DHRSX: variants seen among roughly 807,000 people sequenced by gnomAD.
DHRSX encodes polyprenol dehydrogenase.
Under a neutral mutation model 34.0 loss-of-function variants are expected in DHRSX, and 31 were observed. The ratio of observed to expected loss-of-function variants is 0.91; its 90% confidence interval spans 0.69 to 1.23. DHRSX has a LOEUF of 1.23. Among genes scored for constraint, DHRSX ranks in the 50% most tolerant of loss-of-function variants. The probability of loss-of-function intolerance (pLI) is 0.00; values close to 1 mark genes in which losing one functional copy is unlikely to be tolerated. For missense variants in DHRSX, 414 were observed against 428.1 expected, an observed-to-expected ratio of 0.97 and a Z score of 0.29; for synonymous variants, 201 against 183.8, an observed-to-expected ratio of 1.09 and a Z score of -0.76.
chrX:2,244,732 GAC>G (rs1299901918), intron 5 of DHRSX, among the ~76,000 whole-genome samples: 2 of 151,372 alleles, frequency 1.3e-5, no homozygotes, highest in African/African-American at 4.9e-5. Flanking sequence ...TTATTTTTGA[GAC>G]AGAGTCTTGC....
At chrX:2,441,759 A>T (rs1302364142) in intron 1 of DHRSX, among the ~76,000 whole-genome samples, 1 of 152,124 alleles carries the variant, frequency 6.6e-6, no homozygotes, top group Non-Finnish European at 1.5e-5. Context: ...CACCCAGAGG[A>T]ATATAAATTG....
chrX:2,480,135 AGC>A (rs2044747111), intron 1 of DHRSX, among the ~76,000 whole-genome samples: 1 of 152,058 alleles, frequency 6.6e-6, no homozygotes, highest in Non-Finnish European at 1.5e-5. Context: ...TCAACAGATG[AGC>A]GTATCAAGCA....
intron 3 of DHRSX, among the ~76,000 whole-genome samples, chrX:2,363,491 TCACCG>T (rs1470646663): frequency 6.8e-6 from 1 of 147,998 alleles, no homozygotes; most frequent in Admixed American, 6.7e-5. Flanking sequence ...CGCCATTTTA[TCACCG>T]TTCTATGGTA....
chrX:2,262,723 T>C (rs2041380756), intron 5 of DHRSX, among the ~76,000 whole-genome samples: 1 of 152,220 alleles, frequency 6.6e-6, no homozygotes. Context: ...CTTCTTCAGC[T>C]GCCCGGAGAA....
chrX:2,320,591 TG>T (rs2042298813), intron 3 of DHRSX, among the ~76,000 whole-genome samples: 1 of 57,396 alleles, frequency 1.7e-5, no homozygotes, highest in African/African-American at 7.3e-5. Context: ...CCACCGTGCC[TG>T]GCCCTGCAAG....
At position 2,354,530 on chromosome X, in the gene DHRSX, C is replaced by T. The variant is rs111531692; in HGVS notation, c.286+54215G>A. Among the ~76,000 whole-genome samples the T allele has an allele frequency of 7.0e-3, 1,072 of 152,290 alleles. 20 individuals are homozygous for T. The highest frequency in any genetic ancestry group is 0.024 in the African/African-American group (1,010 of 41,564). Reference sequence around the variant, plus strand: ...AGGCTGGAGTGCAGTGGCGCAATCTCGGCTCACTGGAACCTCTGTCTCCCG... The same window carrying T: ...AGGCTGGAGTGCAGTGGCGCAATCTTGGCTCACTGGAACCTCTGTCTCCCG... On this transcript the variant is annotated intron_variant, in intron 3 of 6. Transcript: ENST00000334651.
At chrX:2,329,886 C>T (rs2042435691) in intron 3 of DHRSX, among the ~76,000 whole-genome samples, 2 of 151,960 alleles carry the variant, frequency 1.3e-5, no homozygotes, top group African/African-American at 4.8e-5. Context: ...TCAGCTCATG[C>T]CTGCACTTTC....
At chrX:2,458,620 A>C (rs758709090) in intron 1 of DHRSX, among the ~76,000 whole-genome samples, 1 of 152,248 alleles carries the variant, frequency 6.6e-6, no homozygotes, top group African/African-American at 2.4e-5. Flanking sequence ...TAGAATCTAA[A>C]AAAGCTGAAC....
chrX:2,462,774 T>C (rs1017691916), intron 1 of DHRSX, among the ~76,000 whole-genome samples: 1 of 152,056 alleles, frequency 6.6e-6, no homozygotes, highest in African/African-American at 2.4e-5. Flanking sequence ...GGAGGGTTTC[T>C]GTGTCTCCTC....
chrX:2,363,187 T>C (rs1480707345), intron 3 of DHRSX, among the ~76,000 whole-genome samples: 2 of 120,334 alleles, frequency 1.7e-5, no homozygotes, highest in Non-Finnish European at 3.7e-5. Context: ...TTATCACCGT[T>C]CTATGGTATC....
intron 4 of DHRSX, among the ~76,000 whole-genome samples, chrX:2,287,651 C>T (rs1329347969): frequency 2.0e-5 from 3 of 151,980 alleles, no homozygotes; most frequent in Admixed American, 6.6e-5. Context: ...AAGATGTCCA[C>T]ATCCTAATCC....
chrX:2,460,632 G>A (rs2044390368), intron 1 of DHRSX, among the ~76,000 whole-genome samples: 3 of 146,928 alleles, frequency 2.0e-5, no homozygotes, highest in Non-Finnish European at 4.5e-5. Context: ...TGCACAGGCT[G>A]GAGTGCAGTG....
chrX:2,456,840 C>T (rs767247484), intron 1 of DHRSX, among the ~76,000 whole-genome samples: 9 of 152,212 alleles, frequency 5.9e-5, no homozygotes, highest in African/African-American at 1.9e-4. Flanking sequence ...AATCTCTGAT[C>T]TGAGTGCGGC....
chrX:2,463,578 G>A (rs1603126243), intron 1 of DHRSX, among the ~76,000 whole-genome samples: 1 of 152,320 alleles, frequency 6.6e-6, no homozygotes, highest in East Asian at 1.9e-4. Flanking sequence ...AGAAAGCAAA[G>A]GAAGCCTTGG....
At chrX:2,359,406 G>A (rs931169475) in intron 3 of DHRSX, among the ~76,000 whole-genome samples, 3 of 152,164 alleles carry the variant, frequency 2.0e-5, no homozygotes, top group Admixed American at 6.6e-5. Flanking sequence ...GGCCAGGTGC[G>A]GTGGCTCACG....
chrX:2,265,044 C>T (rs1408658631), intron 5 of DHRSX, among the ~76,000 whole-genome samples: 1 of 150,412 alleles, frequency 6.6e-6, no homozygotes, highest in Non-Finnish European at 1.5e-5. Flanking sequence ...CAGTGTCCAG[C>T]AGACACAGGG....
chrX:2,312,355 A>C (rs767559867), intron 3 of DHRSX, among the ~76,000 whole-genome samples: 54 of 152,276 alleles, frequency 3.5e-4, no homozygotes, highest in African/African-American at 1.3e-3. Flanking sequence ...ACTAATAAAG[A>C]AAATGTGGCA....
intron 3 of DHRSX, among the ~76,000 whole-genome samples, chrX:2,350,580 G>A (rs2042777448): frequency 6.6e-6 from 1 of 152,120 alleles, no homozygotes; most frequent in Admixed American, 6.5e-5. Flanking sequence ...GATGAGGAGA[G>A]AGGGACGTAG....
At chrX:2,236,918 G>T (rs1306036951) in intron 6 of DHRSX, among the ~76,000 whole-genome samples, 1 of 151,972 alleles carries the variant, frequency 6.6e-6, no homozygotes, top group East Asian at 1.9e-4. Context: ...GCTGGGTAGG[G>T]TGTCTCATGC....
Sources: gnomAD v4.1 joint callset for allele counts (sites outside exome capture counted in the v4.1 genomes callset) on GRCh38, gnomAD v4.1.1 for gene constraint, MANE v1.5 for transcripts, NCBI Gene and HGNC (gene_info 2026-07-23, HGNC 2026-07-21) for gene names.